The following CFI variants were observed in gnomAD, a reference collection of about 807,000 sequenced individuals.
The protein encoded by CFI is C3B/C4B inactivator.
Under a neutral mutation model 78.8 loss-of-function variants are expected in CFI, and 66 were observed. The ratio of observed to expected loss-of-function variants is 0.84; its 90% CI spans 0.69 to 1.03. The LOEUF (loss-of-function observed/expected upper bound fraction) is 1.03. CFI is among the 50% of genes least tolerant of loss of function. The pLI is 0.00. For synonymous variants in CFI, 250 were observed against 232.6 expected (o/e 1.07, Z -0.68); for missense variants, 706 against 704.5 (o/e 1.00, Z -0.02).
chr4:109,797,025 T>A (rs1266606796), intron 1 of CFI, among the ~76,000 whole-genome samples: 1 of 152,056 alleles, frequency 6.6e-6, no homozygotes, highest in East Asian at 1.9e-4. Context: ...TTTGATACAA[T>A]CCCTACCAAA....
chr4:109,780,868 A>G (rs1419333735), intron 1 of CFI, among the ~76,000 whole-genome samples: 1 of 152,148 alleles, frequency 6.6e-6, no homozygotes, highest in Non-Finnish European at 1.5e-5. Context: ...GAAGCTAGAA[A>G]CCATCATTCT....
chr4:109,753,085 AT>A (rs1725412843), intron 7 of CFI, among the ~76,000 whole-genome samples: 1 of 110,772 alleles, frequency 9.0e-6, no homozygotes, highest in South Asian at 2.4e-4. Flanking sequence ...TATAATATAT[AT>A]TTATTATATA....
At chr4:109,776,737 C>T (rs1729299910) in intron 1 of CFI, among the ~76,000 whole-genome samples, 1 of 152,182 alleles carries the variant, frequency 6.6e-6, no homozygotes, top group South Asian at 2.1e-4. Flanking sequence ...GTGGGGTTAC[C>T]CACAAAGGGA....
At chr4:109,772,404 T>G (rs1452453729) in intron 1 of CFI, among the ~76,000 whole-genome samples, 1 of 152,268 alleles carries the variant, frequency 6.6e-6, no homozygotes, top group African/African-American at 2.4e-5. Context: ...CATATGTCTA[T>G]GTACACCTGT....
At chr4:109,731,973 G>A in the CFI span, among the ~76,000 whole-genome samples, 2 of 152,170 alleles carry the variant, frequency 1.3e-5, no homozygotes, top group South Asian at 4.1e-4. Flanking sequence ...TATGAAAGTT[G>A]GACTAGATTA....
rs567207993 is a variant in CFI at position 109,748,818 on chromosome 4, T to C, written c.1148+400A>G. Reference sequence around the variant, plus strand: ...TTCTTATCCTAAGAGGAATGCAAAGTCATTGCATTTTAGGTGACAAGTAAT... The same window carrying C: ...TTCTTATCCTAAGAGGAATGCAAAGCCATTGCATTTTAGGTGACAAGTAAT... On this transcript the variant is annotated intron_variant, in intron 10 of 12. Coordinates refer to ENST00000394634, the MANE Select transcript of CFI (RefSeq NM_000204.5). Among the ~76,000 whole-genome samples the C allele has an allele frequency of 2.4e-3, 363 of 152,306 alleles. 1 individual carries two copies. Among genetic ancestry groups the C allele is most frequent in the African/African-American group, 8.5e-3 (352 of 41,564 alleles).
At position 109,773,632 on chromosome 4, in the gene CFI, A is replaced by C. The variant is rs190699916; in HGVS notation, c.58-6808T>G. On this transcript the variant is annotated intron_variant, in intron 1 of 12. Coordinates refer to ENST00000394634, the MANE Select transcript of CFI (RefSeq NM_000204.5). ...ACTCTTTATAATTCAAACCCTCGAG[A>C]ACTACTGGTGTAGGGAGTATGGGAC... 9.3e-4 allele frequency among the ~76,000 whole-genome samples: 141 copies of C among 152,310 alleles called. 2 individuals are homozygous for C. Among genetic ancestry groups the C allele is most frequent in the African/African-American group, 3.3e-3 (137 of 41,570 alleles).
At chr4:109,790,324 A>AT (rs1731224648) in intron 1 of CFI, among the ~76,000 whole-genome samples, 1 of 151,310 alleles carries the variant, frequency 6.6e-6, no homozygotes, top group Non-Finnish European at 1.5e-5. Context: ...TCTTTATTCT[A>AT]TTTTTTCTTC....
At chr4:109,747,890 G>A (rs1724676925) in intron 10 of CFI, among the ~76,000 whole-genome samples, 1 of 152,050 alleles carries the variant, frequency 6.6e-6, no homozygotes, top group Non-Finnish European at 1.5e-5. Context: ...CTTCACATGT[G>A]CAATTCACAA....
rs746406685 is a variant in CFI, at chr4:109,766,816, A to G, written c.66T>C (p.Tyr22=). ...TCTCCACCAGATCCTCTTGAGATGT[A>G]TAAGTGACCTGTAAAATGCAAAATA... The part of the protein sequence containing the change: ...CFHLRFCKVT[Y]TSQEDLVEKK... The change falls in exon 2 of 13, where the codon TAT becomes TAC. Residue 22 remains tyrosine (Y), a synonymous_variant. Coordinates refer to ENST00000394634, the MANE Select transcript of CFI (RefSeq NM_000204.5). 13 of 1,614,074 alleles carry G rather than the reference A, an allele frequency of 8.1e-6. No homozygotes were observed. The South Asian group carries it at 1.4e-4, about 18-fold the overall frequency.
Position 109,760,259 on chromosome 4 carries a change from C to A in CFI, c.883+11G>T. ...ATAATGAAAAAAAGTCACCCCAAGT[C>A]TTTCAATTACCTGCACAGCCAACTT... On this transcript the variant is annotated intron_variant, in intron 6 of 12. Transcript: ENST00000394634. The A allele has an allele frequency of 6.3e-7, 1 of 1,597,858 alleles. No homozygotes were observed. The highest frequency in any genetic ancestry group is 8.6e-7 in the Non-Finnish European group (1 of 1,165,144).
At chr4:109,798,342 TAATA>T (rs1371644886) in intron 1 of CFI, among the ~76,000 whole-genome samples, 2 of 152,146 alleles carry the variant, frequency 1.3e-5, no homozygotes, top group South Asian at 2.1e-4. Flanking sequence ...ACACACAAAA[TAATA>T]AATAAAGAGA....
rs988966065 is a variant in CFI at position 109,754,027 on chromosome 4, A to C, written c.905-1524T>G. ...GAGACGGAGTCTCACTCTGTTGCCC[A>C]GACTGGAGTGCGGTGGCACGATCTC... On this transcript the variant is annotated intron_variant, in intron 7 of 12. Transcript: ENST00000394634. Among the ~76,000 whole-genome samples, 7 of 150,920 alleles carry C rather than the reference A, an allele frequency of 4.6e-5. No homozygotes were observed. The East Asian group carries it at 1.4e-3, about 29-fold the overall frequency.
intron 1 of CFI, among the ~76,000 whole-genome samples, chr4:109,800,930 T>C (rs1025952982): frequency 1.3e-5 from 2 of 152,196 alleles, no homozygotes; most frequent in Admixed American, 1.3e-4. Flanking sequence ...CATTTAGTTA[T>C]TTCCATTTAT....
At position 109,751,239 on chromosome 4, in the gene CFI, C is replaced by A. The variant is rs532788554; in HGVS notation, c.940+1229G>T. Among the ~76,000 whole-genome samples the A allele has an allele frequency of 3.3e-5, 5 of 152,140 alleles. No individual in the cohort carries two copies. The East Asian group carries it at 9.7e-4, about 29-fold the overall frequency. On this transcript the variant is annotated intron_variant, in intron 8 of 12. Transcript: ENST00000394634. ...TAGAAGATGGTTTTTTTTGGTCTCACCCATCCTAAGAACTGGGGTGGGGGA... is the reference window on the plus strand; with the variant it reads ...TAGAAGATGGTTTTTTTTGGTCTCAACCATCCTAAGAACTGGGGTGGGGGA...
chr4:109,743,026 C>T (rs1723995326), intron 11 of CFI, among the ~76,000 whole-genome samples: 1 of 152,174 alleles, frequency 6.6e-6, no homozygotes, highest in Non-Finnish European at 1.5e-5. Context: ...AAAGGAAATA[C>T]ATACGAAGTT....
intron 1 of CFI, among the ~76,000 whole-genome samples, chr4:109,768,054 G>T (rs1314317558): frequency 1.4e-5 from 2 of 143,888 alleles, no homozygotes; most frequent in African/African-American, 2.6e-5. Context: ...ACACCACATC[G>T]TCTCACTCAT....
chr4:109,795,446 G>T (rs772326442), intron 1 of CFI, among the ~76,000 whole-genome samples: 66 of 152,142 alleles, frequency 4.3e-4, no homozygotes, highest in Non-Finnish European at 8.8e-4. Flanking sequence ...ATTAATACAG[G>T]TTACAAGGAT....
chr4:109,759,240 G>A (rs995656700), intron 6 of CFI, among the ~76,000 whole-genome samples: 6 of 133,344 alleles, frequency 4.5e-5, no homozygotes, highest in Non-Finnish European at 9.7e-5. Flanking sequence ...ATAGGCAAAC[G>A]ACTCAGTTTC....
Sources: allele counts gnomAD v4.1 joint callset (sites outside exome capture counted in the v4.1 genomes callset), GRCh38; gene constraint gnomAD v4.1.1; transcripts MANE v1.5; gene names NCBI Gene and HGNC (gene_info 2026-07-23, HGNC 2026-07-21).